Variants in MATN2 observed in about 807,000 individuals in gnomAD.
The protein encoded by MATN2 is matrilin 2, also known as matrilin-2.
A neutral mutation model predicts 103.2 loss-of-function variants in MATN2; 69 were observed. That is an observed-to-expected ratio of 0.67 (90% confidence interval 0.55 to 0.82). MATN2 has a LOEUF of 0.82. Among genes scored for constraint, MATN2 ranks in the 40% least tolerant of loss-of-function variants. The pLI is 0.00. For missense variants in MATN2, 1,023 were observed against 1,211.5 expected (o/e 0.84, Z 2.31); for synonymous variants, 429 against 450.2 (o/e 0.95, Z 0.60).
intron 18 of MATN2, 41 bp downstream of exon 18, chr8:98,033,700 G>T (rs545223055): frequency 7.7e-7 from 1 of 1,300,508 alleles, no homozygotes; most frequent in Non-Finnish European, 1.1e-6. Flanking sequence ...GGAATGCAAA[G>T]AATATTATCA....
At chr8:97,947,481 A>G (rs1371988089) in intron 4 of MATN2, among the ~76,000 whole-genome samples, 1 of 152,260 alleles carries the variant, frequency 6.6e-6, no homozygotes, top group African/African-American at 2.4e-5. Context: ...ACTGGCAACA[A>G]AAGTCAGAAA....
In MATN2 at chr8:97,931,571, T is replaced by C; in HGVS notation, c.712+49T>C. The C allele has an allele frequency of 6.8e-7, 1 of 1,475,566 alleles. No homozygotes were observed. The highest frequency in any genetic ancestry group is 1.3e-5 in the South Asian group (1 of 76,274). The allele number at this position is 1,475,566 out of a possible 1,614,324, so 91.4% of individuals were successfully genotyped here. On this transcript the variant is annotated intron_variant, in intron 3 of 18. Coordinates refer to ENST00000254898, the MANE Select transcript of MATN2 (RefSeq NM_002380.5). This position sits in a 1 kb window ranked among gnomAD's most constrained non-coding sequence, Gnocchi z 4.1. Reference sequence around the variant, plus strand: ...CTTCTAGAGGAACCACTAGAATTCATTCATTCATCTTCAAGTGTTCATTCT... The same window carrying C: ...CTTCTAGAGGAACCACTAGAATTCACTCATTCATCTTCAAGTGTTCATTCT...
chr8:97,878,633 T>C (rs1227046652), intron 1 of MATN2, among the ~76,000 whole-genome samples: 2 of 151,824 alleles, frequency 1.3e-5, no homozygotes, highest in Non-Finnish European at 2.9e-5. Flanking sequence ...GGGAATCACT[T>C]GAGGTCAGGA....
intron 2 of MATN2, among the ~76,000 whole-genome samples, chr8:97,889,827 T>C (rs1016636386): frequency 2.6e-5 from 4 of 151,962 alleles, no homozygotes; most frequent in Non-Finnish European, 4.4e-5. Context: ...CACCACACAC[T>C]TGCCTGGAAA....
intron 12 of MATN2, among the ~76,000 whole-genome samples, chr8:98,019,774 C>A (rs1563730169): frequency 6.6e-6 from 1 of 152,230 alleles, no homozygotes; most frequent in African/African-American, 2.4e-5. Context: ...TTTTGTGACA[C>A]TTTGCCCCAG....
intron 2 of MATN2, among the ~76,000 whole-genome samples, chr8:97,920,704 GTC>G (rs1295603626): frequency 1.7e-4 from 26 of 152,326 alleles, no homozygotes; most frequent in African/African-American, 6.3e-4. Context: ...TGTGCCTGTA[GTC>G]CCAGCTACTC....
At chr8:97,994,388 T>TTTGAG (rs1397346536) in intron 6 of MATN2, 92 bp from the exon 7 acceptor site, 1 of 1,392,474 alleles carries the variant, frequency 7.2e-7, no homozygotes. Flanking sequence ...GGATTTTACC[T>TTTGAG]GTTTGGGAAA....
At chr8:97,970,296 A>T (rs1276867177) in intron 5 of MATN2, among the ~76,000 whole-genome samples, 4 of 152,180 alleles carry the variant, frequency 2.6e-5, no homozygotes, top group African/African-American at 9.7e-5. Context: ...GTAAATTGAC[A>T]TGGTATACTG....
intron 4 of MATN2, among the ~76,000 whole-genome samples, chr8:97,957,267 C>T (rs1455277928): frequency 6.6e-6 from 1 of 152,200 alleles, no homozygotes; most frequent in African/African-American, 2.4e-5. Context: ...GCTTCTTATC[C>T]TTCAGTGAAA....
At chr8:98,026,682 G>C (rs571544791) in intron 13 of MATN2, among the ~76,000 whole-genome samples, 3 of 152,120 alleles carry the variant, frequency 2.0e-5, no homozygotes, top group South Asian at 4.1e-4. Flanking sequence ...CCAAGTATTG[G>C]GGGGTGGGGC....
At position 98,036,178 on chromosome 8, in the gene MATN2, T is replaced by C. The variant is rs1814244639; in HGVS notation, c.*466T>C. 1.3e-5 allele frequency: 2 copies of C among 152,522 alleles called. No individual in the cohort carries two copies. The highest frequency in any genetic ancestry group is 2.4e-5 in the African/African-American group (1 of 41,452). The allele number at this position is 152,522 out of a possible 1,614,324, so 9.4% of individuals were successfully genotyped here. On this transcript the variant is annotated 3_prime_UTR_variant, in exon 19 of 19. Transcript: ENST00000254898. ...ATATGTACTTGTGGAACAAGTTGGA[T>C]TTTTTATACAATATTAAAATTCACC...
intron 4 of MATN2, among the ~76,000 whole-genome samples, chr8:97,943,767 T>G (rs1810652347): frequency 6.6e-6 from 1 of 152,210 alleles, no homozygotes; most frequent in Non-Finnish European, 1.5e-5. Context: ...CTTCTCTTCT[T>G]AGGAGCACAA....
intron 18 of MATN2, 110 bp from the exon 19 acceptor site, chr8:98,035,547 A>G: frequency 1.6e-6 from 1 of 629,096 alleles, no homozygotes; most frequent in South Asian, 2.3e-5. Context: ...GGGAAAAAAA[A>G]CCAAAACCTT....
At chr8:97,980,418 G>A (rs1811977620) in intron 6 of MATN2, among the ~76,000 whole-genome samples, 1 of 152,150 alleles carries the variant, frequency 6.6e-6, no homozygotes, top group African/African-American at 2.4e-5. Context: ...GAGGCCGTGG[G>A]CTGCCAGCAG....
chr8:97,988,856 C>G (rs183968825), intron 6 of MATN2, among the ~76,000 whole-genome samples: 8 of 152,146 alleles, frequency 5.3e-5, no homozygotes, highest in African/African-American at 1.9e-4. Context: ...CTATCAGTAC[C>G]CTGATACCCA....
intron 2 of MATN2, among the ~76,000 whole-genome samples, chr8:97,928,392 A>G (rs1810064155): frequency 6.6e-6 from 1 of 151,462 alleles, no homozygotes; most frequent in South Asian, 2.1e-4. Context: ...ATGCCTGACT[A>G]ATTTTTTGTA....
intron 1 of MATN2, among the ~76,000 whole-genome samples, chr8:97,885,794 G>T (rs924668683): frequency 1.3e-5 from 2 of 152,102 alleles, no homozygotes; most frequent in Non-Finnish European, 2.9e-5. Context: ...GTGAGACCCT[G>T]TCTCAAAAAA....
At chr8:97,994,379 G>A in intron 6 of MATN2, 101 bp from the exon 7 acceptor site, 1 of 1,307,262 alleles carries the variant, frequency 7.6e-7, no homozygotes. Context: ...TGAGGTGTGG[G>A]ATTTTACCTG....
chr8:97,909,533 A>T (rs561168813), intron 2 of MATN2, among the ~76,000 whole-genome samples: 1 of 152,282 alleles, frequency 6.6e-6, no homozygotes, highest in Admixed American at 6.5e-5. Flanking sequence ...ACTCTTCTTC[A>T]CATACCTGAA....
Sources: allele counts gnomAD v4.1 joint callset (sites outside exome capture counted in the v4.1 genomes callset), GRCh38; gene constraint gnomAD v4.1.1; non-coding constraint Gnocchi (gnomAD v3.1); transcripts MANE v1.5; gene names NCBI Gene and HGNC (gene_info 2026-07-23, HGNC 2026-07-21).